The following DMD variants were observed in gnomAD, a reference collection of about 807,000 sequenced individuals.
The protein encoded by DMD is mutant dystrophin.
A neutral mutation model predicts 330.1 loss-of-function variants in DMD; 63 were observed. That is an observed-to-expected ratio of 0.19 (90% CI 0.16 to 0.24). The LOEUF (loss-of-function observed/expected upper bound fraction) is 0.24. Among genes scored for constraint, DMD ranks in the 10% least tolerant of loss-of-function variants. The pLI, the probability that DMD is intolerant of heterozygous loss-of-function variation, is 1.00. For missense variants in DMD, 3,344 were observed against 2,684.1 expected (o/e 1.25, Z -5.43); for synonymous variants, 1,223 against 959.8 (o/e 1.27, Z -5.07).
intron 55 of DMD, among the ~76,000 whole-genome samples, chrX:31,557,566 C>T (rs966274238): frequency 8.9e-6 from 1 of 112,223 alleles, no homozygotes; most frequent in Non-Finnish European, 1.9e-5. Flanking sequence ...AGGGTTTTAT[C>T]ATTTTCATCC....
chrX:32,282,356 AT>A (rs776717236), intron 43 of DMD, among the ~76,000 whole-genome samples: 1 of 111,919 alleles, frequency 8.9e-6, no homozygotes, highest in Non-Finnish European at 1.9e-5. Context: ...GGTATATTTT[AT>A]AAGCAGTTAG....
At chrX:32,456,911 G>A (rs2098361772) in intron 25 of DMD, among the ~76,000 whole-genome samples, 1 of 104,014 alleles carries the variant, frequency 9.6e-6, no homozygotes. Flanking sequence ...TGTTGAGTGG[G>A]CAAATGGGTA....
At chrX:32,566,286 T>A (rs1214998351) in intron 15 of DMD, among the ~76,000 whole-genome samples, 1 of 112,003 alleles carries the variant, frequency 8.9e-6, no homozygotes, top group East Asian at 2.8e-4. Flanking sequence ...GACAATCAGG[T>A]ACCAGGAGTA....
intron 52 of DMD, among the ~76,000 whole-genome samples, chrX:31,701,515 A>T (rs2083809363): frequency 8.9e-6 from 1 of 111,753 alleles, no homozygotes; most frequent in Non-Finnish European, 1.9e-5. Flanking sequence ...CGCTGTACTC[A>T]ATGTTCCAGT....
At position 31,478,134 on chromosome X, in the gene DMD, G is replaced by T; in HGVS notation, c.8909C>A (p.Ser2970Tyr). The part of the protein sequence containing the change: ...WQPVGDLLID[S>Y]LQDHLEKVKA... Reference sequence around the variant, plus strand: ...GACTTTCTCGAGGTGATCTTGGAGAGAGTCAATGAGGAGATCGCCCACGGG... The same window carrying T: ...GACTTTCTCGAGGTGATCTTGGAGATAGTCAATGAGGAGATCGCCCACGGG... Residue 2970 changes from serine (S) to tyrosine (Y), a missense_variant, in exon 59 of 79, where the codon TCT becomes TAT. Physicochemically the swap from Ser to Tyr is moderately radical, Grantham distance 144. Transcript: ENST00000357033. 1 of 1,210,833 alleles carries T rather than the reference G, an allele frequency of 8.3e-7. No homozygotes were observed. The highest frequency in any genetic ancestry group is 1.1e-6 in the Non-Finnish European group (1 of 895,138).
chrX:32,652,823 T>G (rs1355325575), intron 9 of DMD, among the ~76,000 whole-genome samples: 5 of 111,717 alleles, frequency 4.5e-5, no homozygotes, highest in Non-Finnish European at 7.5e-5. Context: ...CTCCAGCACC[T>G]GTTGTTTCCT....
intron 2 of DMD, among the ~76,000 whole-genome samples, chrX:32,923,393 T>C (rs2088636691): frequency 9.1e-6 from 1 of 109,652 alleles, no homozygotes; most frequent in Non-Finnish European, 1.9e-5. Flanking sequence ...AAACCCCATC[T>C]CTACTAAAAA....
intron 37 of DMD, among the ~76,000 whole-genome samples, chrX:32,357,656 CAGAT>C (rs1205306386): frequency 6.6e-5 from 4 of 60,200 alleles, no homozygotes; most frequent in Non-Finnish European, 1.2e-4. Flanking sequence ...AGTGCATACA[CAGAT>C]ACACACACAC....
chrX:32,310,968 C>T (rs1020134362), intron 41 of DMD, among the ~76,000 whole-genome samples: 1 of 111,024 alleles, frequency 9.0e-6, no homozygotes, highest in Non-Finnish European at 1.9e-5. Context: ...TGCACCTACA[C>T]TTTTCTGACT....
chrX:33,143,810 C>G (rs1482182152), intron 1 of DMD, among the ~76,000 whole-genome samples: 1 of 111,561 alleles, frequency 9.0e-6, no homozygotes, highest in Non-Finnish European at 1.9e-5. Flanking sequence ...GTACACATTT[C>G]TCTGCATAAT....
rs1219309138 is a variant in DMD at position 31,432,103 on chromosome X, G to A, written c.9084+12378C>T. On this transcript the variant is annotated intron_variant, in intron 60 of 78. Transcript: ENST00000357033. Reference sequence around the variant, plus strand: ...GCTGGGACCACAGGTGTGAGCCACCGCACCTGGCCCAAATTAAAATATTTT... The same window carrying A: ...GCTGGGACCACAGGTGTGAGCCACCACACCTGGCCCAAATTAAAATATTTT... 9.8e-5 allele frequency among the ~76,000 whole-genome samples: 11 copies of A among 111,938 alleles called. No individual in the cohort carries two copies. In the East Asian group the frequency reaches 1.4e-3, roughly 14 times the overall value.
chrX:31,636,798 G>A (rs905449954), intron 54 of DMD, among the ~76,000 whole-genome samples: 11 of 111,771 alleles, frequency 9.8e-5, no homozygotes, highest in African/African-American at 2.6e-4. Flanking sequence ...ATCTTCATCC[G>A]TCATCTATGA....
chrX:33,076,934 G>C (rs777789840), intron 1 of DMD, among the ~76,000 whole-genome samples: 6 of 111,190 alleles, frequency 5.4e-5, no homozygotes, highest in East Asian at 2.9e-4. Flanking sequence ...CTTGGTGGGT[G>C]GGGGGAAGCC....
At chrX:31,831,020 A>G (rs1008483537) in intron 49 of DMD, among the ~76,000 whole-genome samples, 5 of 112,617 alleles carry the variant, frequency 4.4e-5, no homozygotes, top group African/African-American at 1.6e-4. Flanking sequence ...AATGGCTTCT[A>G]CTTTCTGAAT....
intron 69 of DMD, 80 bp downstream of exon 69, chrX:31,180,290 T>C (rs1462214646): frequency 5.9e-6 from 4 of 681,673 alleles, no homozygotes. Flanking sequence ...CACAGCATTA[T>C]ACATGATCTG....
intron 1 of DMD, among the ~76,000 whole-genome samples, chrX:33,163,642 A>ATGTATCTATCTATCTG (rs2048912609): frequency 1.9e-5 from 2 of 107,488 alleles, no homozygotes; most frequent in African/African-American, 3.4e-5. Flanking sequence ...CTATCTATCT[A>ATGTATCTATCTATCTG]TCTATCTATC....
chrX:32,685,310 T>G (rs1433362794), intron 9 of DMD, among the ~76,000 whole-genome samples: 1 of 111,703 alleles, frequency 9.0e-6, no homozygotes, highest in African/African-American at 3.2e-5. Context: ...TTGAAATGAC[T>G]TTTTCAGGTA....
intron 29 of DMD, among the ~76,000 whole-genome samples, chrX:32,413,345 AT>A (rs1409487440): frequency 3.6e-5 from 4 of 110,865 alleles, no homozygotes. Flanking sequence ...CCTTCTCTGT[AT>A]TTTTTCCGGT....
intron 2 of DMD, among the ~76,000 whole-genome samples, chrX:32,883,840 A>AG (rs1240637330): frequency 1.4e-4 from 14 of 99,902 alleles, no homozygotes; most frequent in African/African-American, 4.4e-4. Context: ...AAAAAAAAAA[A>AG]AAAAAAAAAA....
Sources: allele counts gnomAD v4.1 joint callset (sites outside exome capture counted in the v4.1 genomes callset), GRCh38; gene constraint gnomAD v4.1.1; transcripts MANE v1.5; gene names NCBI Gene and HGNC (gene_info 2026-07-23, HGNC 2026-07-21).